Variants in PLCE1 observed in about 807,000 individuals in gnomAD.
The protein encoded by PLCE1 is 1-phosphatidylinositol 4,5-bisphosphate phosphodiesterase epsilon-1.
In PLCE1, 119 loss-of-function variants were observed where a neutral mutation model predicts 242.8. That is an observed-to-expected ratio of 0.49 (90% CI 0.42 to 0.57). The LOEUF (loss-of-function observed/expected upper bound fraction) is 0.57, where lower values mean the gene tolerates loss of function less well. PLCE1 is among the 20% of genes least tolerant of loss of function. The pLI is 0.00. For synonymous variants in PLCE1, 945 were observed against 1,017.4 expected, an observed-to-expected ratio of 0.93 and a Z score of 1.35; for missense variants, 2,441 against 2,788.8, an observed-to-expected ratio of 0.88 and a Z score of 2.81.
At chr10:94,054,453 T>C (rs2043846618) in intron 2 of PLCE1, among the ~76,000 whole-genome samples, 1 of 152,168 alleles carries the variant, frequency 6.6e-6, no homozygotes. Flanking sequence ...ATCAGCCTGC[T>C]GAAAGGGAAG....
At chr10:94,181,784 G>T (rs775133119) in intron 4 of PLCE1, among the ~76,000 whole-genome samples, 2 of 133,564 alleles carry the variant, frequency 1.5e-5, no homozygotes, top group Non-Finnish European at 3.1e-5. Flanking sequence ...AGGGCATGGT[G>T]GTGCATACCT....
In PLCE1 at chr10:94,270,037, A is replaced by G. The variant is rs74453371; in HGVS notation, c.4390-449A>G. 7.9e-3 allele frequency among the ~76,000 whole-genome samples: 1,199 copies of G among 152,344 alleles called. 17 individuals carry two copies. The highest frequency in any genetic ancestry group is 0.028 in the African/African-American group (1,154 of 41,578). ...CATTCCTAAAACTCCTGTATGCTATATTGGCATGGGCATGAGTTGATAACT... is the reference window on the plus strand; with the variant it reads ...CATTCCTAAAACTCCTGTATGCTATGTTGGCATGGGCATGAGTTGATAACT... On this transcript the variant is annotated intron_variant, in intron 17 of 32. Coordinates refer to ENST00000371380, the MANE Select transcript of PLCE1 (RefSeq NM_016341.4).
At chr10:94,027,964 T>A (rs2061485006) in intron 1 of PLCE1, among the ~76,000 whole-genome samples, 1 of 152,140 alleles carries the variant, frequency 6.6e-6, no homozygotes, top group African/African-American at 2.4e-5. Context: ...TAAAACAGCA[T>A]AGTCTATGGC....
chr10:94,197,112 A>G (rs10786154), intron 4 of PLCE1, among the ~76,000 whole-genome samples: 48,369 of 152,002 alleles, frequency 0.32, 8,907 homozygotes, highest in African/African-American at 0.52. Context: ...TTTGTCTGGC[A>G]TCTTTCACTT....
At chr10:94,241,927 G>A (rs533191397) in intron 7 of PLCE1, among the ~76,000 whole-genome samples, 27 of 152,228 alleles carry the variant, frequency 1.8e-4, no homozygotes, top group Middle Eastern at 3.4e-3. Context: ...CAAGACAGGC[G>A]CTGTGCTAAG....
chr10:94,182,997 G>A (rs1388860238), intron 4 of PLCE1, among the ~76,000 whole-genome samples: 5 of 152,208 alleles, frequency 3.3e-5, no homozygotes, highest in Admixed American at 1.3e-4. Context: ...AAGCACTGCA[G>A]CAGTTCCTCA....
intron 2 of PLCE1, among the ~76,000 whole-genome samples, chr10:94,038,338 C>T (rs2061704636): frequency 1.3e-5 from 2 of 152,166 alleles, no homozygotes; most frequent in South Asian, 2.1e-4. Context: ...TCTTAGACAG[C>T]GGTGCTGGGC....
chr10:94,197,266 T>C (rs542937522), intron 4 of PLCE1, among the ~76,000 whole-genome samples: 1 of 152,370 alleles, frequency 6.6e-6, no homozygotes, highest in South Asian at 2.1e-4. Flanking sequence ...TTATGTATAC[T>C]TTTTGGCCAT....
At position 94,246,185 on chromosome 10, in the gene PLCE1, A is replaced by T; in HGVS notation, c.2660A>T (p.Asp887Val). Residue 887 changes from aspartate to valine, a missense_variant, in exon 8 of 33, where the codon GAC becomes GTC. Asp to Val is a radical substitution (Grantham distance 152). Coordinates refer to ENST00000371380, the MANE Select transcript of PLCE1 (RefSeq NM_016341.4). ...SARCFLQLQP[D>V]NSTLTWVKPT... ...CGCTGCTTCCTCCAGCTTCAGCCCGACAATAGCACCTTGACCTGGGTAAAG... is the reference window on the plus strand; with the variant it reads ...CGCTGCTTCCTCCAGCTTCAGCCCGTCAATAGCACCTTGACCTGGGTAAAG... 1 of 1,614,124 alleles carries T rather than the reference A, an allele frequency of 6.2e-7. No homozygotes were observed. Among genetic ancestry groups the T allele is most frequent in the South Asian group, 1.1e-5 (1 of 91,078 alleles).
At chr10:94,167,982 C>T (rs1319506056) in intron 3 of PLCE1, among the ~76,000 whole-genome samples, 2 of 151,976 alleles carry the variant, frequency 1.3e-5, no homozygotes, top group Admixed American at 6.6e-5. Context: ...CCACTGCGCC[C>T]GACCTAGAAT....
chr10:94,319,864 C>CTTTTTTTTTTTTTTTTTTTTT lies in PLCE1; in HGVS notation c.6343-2034_6343-2014dup, dbSNP rs58610099. The stretch of plus-strand genomic sequence containing the variant: ...GCTCTGAGGGAGGCTCAAAGGTGCT[C>CTTTTTTTTTTTTTTTTTTTTT]TTTTTTTTTTTTTTTTTTTTTTTGA... On this transcript the variant is annotated intron_variant, in intron 29 of 32. Coordinates refer to ENST00000371380, the MANE Select transcript of PLCE1 (RefSeq NM_016341.4). Among the ~76,000 whole-genome samples the CTTTTTTTTTTTTTTTTTTTTT allele has an allele frequency of 1.8e-4, 17 of 92,934 alleles. 3 individuals carry two copies. The highest frequency in any genetic ancestry group is 2.2e-4 in the Non-Finnish European group (10 of 46,374). The allele number at this position is 92,934 out of a possible 152,430, so 61.0% of individuals were successfully genotyped here. A position where few individuals can be genotyped will look rare whatever the true frequency, so the allele number is the denominator to read the frequency against.
At chr10:94,235,858 A>C (rs1407441020) in intron 6 of PLCE1, 57 bp from the exon 7 acceptor site, 1 of 1,525,104 alleles carries the variant, frequency 6.6e-7, no homozygotes, top group Non-Finnish European at 9.1e-7. Context: ...TCCCTAGCCA[A>C]GTATGTTATC....
intron 2 of PLCE1, among the ~76,000 whole-genome samples, chr10:94,126,011 T>A (rs1005904991): frequency 6.6e-6 from 1 of 152,234 alleles, no homozygotes; most frequent in African/African-American, 2.4e-5. Context: ...AGCCTCAGTA[T>A]GCTTGTTTTC....
At chr10:94,294,200 G>A (rs2052732385) in intron 23 of PLCE1, among the ~76,000 whole-genome samples, 1 of 152,130 alleles carries the variant, frequency 6.6e-6, no homozygotes. Flanking sequence ...GAGGCACCTT[G>A]GAACATTCTT....
At chr10:94,012,500 C>T (rs1361135658) in intron 1 of PLCE1, among the ~76,000 whole-genome samples, 1 of 152,010 alleles carries the variant, frequency 6.6e-6, no homozygotes, top group Non-Finnish European at 1.5e-5. Flanking sequence ...CCCAGCCTCA[C>T]ATGCTGGAAA....
chr10:94,181,812 G>T (rs2048320849), intron 4 of PLCE1, among the ~76,000 whole-genome samples: 1 of 126,720 alleles, frequency 7.9e-6, no homozygotes, highest in Non-Finnish European at 1.6e-5. Flanking sequence ...CAGCTACTGG[G>T]GAGGCTGAGG....
rs1351349807 is a variant in PLCE1, at chr10:94,171,457, G to A, written c.1770G>A (p.Glu590=). The A allele has an allele frequency of 6.2e-7, 1 of 1,614,082 alleles. No homozygotes were observed. The highest frequency in any genetic ancestry group is 1.3e-5 in the African/African-American group (1 of 74,946). The change falls in exon 4 of 33, where the codon GAG becomes GAA. Residue 590 remains glutamate, a synonymous_variant. Coordinates refer to ENST00000371380, the MANE Select transcript of PLCE1 (RefSeq NM_016341.4). ...SASILTTQNG[E]HNALEDLVMR... ...CGATTCTTACCACTCAGAATGGAGA[G>A]CACAATGCCCTTGAAGATCTGGTGA...
At chr10:94,132,115 G>T in intron 2 of PLCE1, 59 bp from the exon 3 acceptor site, 1 of 1,547,364 alleles carries the variant, frequency 6.5e-7, no homozygotes, top group Non-Finnish European at 8.9e-7. Context: ...TTGTCAACAA[G>T]TTAATTTGCT....
At chr10:94,055,555 T>A (rs777440290) in intron 2 of PLCE1, among the ~76,000 whole-genome samples, 1 of 152,180 alleles carries the variant, frequency 6.6e-6, no homozygotes, top group African/African-American at 2.4e-5. Flanking sequence ...TGACCTCAAG[T>A]GATCTGCCCA....
Sources: gnomAD v4.1 joint callset for allele counts (sites outside exome capture counted in the v4.1 genomes callset) on GRCh38, gnomAD v4.1.1 for gene constraint, MANE v1.5 for transcripts, NCBI Gene and HGNC (gene_info 2026-07-23, HGNC 2026-07-21) for gene names.